COMP: variants seen among roughly 807,000 people sequenced by gnomAD.
The protein encoded by COMP is cartilage oligomeric matrix protein (pseudoachondroplasia, epiphyseal dysplasia 1, multiple).
COMP carries 79 observed loss-of-function variants against 95.8 expected under a neutral mutation model. That is an observed-to-expected ratio of 0.82 (90% CI 0.69 to 0.99). COMP has a LOEUF of 0.99. Ranked by LOEUF, COMP falls within the 50% of genes least tolerant of loss-of-function variation. The pLI is 0.00. For synonymous variants in COMP, 438 were observed against 433.9 expected, an observed-to-expected ratio of 1.01 and a Z score of -0.12; for missense variants, 906 against 1,076.1, an observed-to-expected ratio of 0.84 and a Z score of 2.21.
Position 18,786,159 on chromosome 19 carries a change from G to C in COMP, c.1308-13C>G, listed in dbSNP as rs1427351682. 5.0e-6 allele frequency: 8 copies of C among 1,613,968 alleles called. No homozygotes were observed. Among genetic ancestry groups the C allele is most frequent in the Non-Finnish European group, 5.9e-6 (7 of 1,180,046 alleles). ...TCCGTCTCCATCCCTAGAGTGGATA[G>C]GTGGGATCCAGAGACAATGAGCTCT... On this transcript the variant is annotated splice_polypyrimidine_tract_variant and intron_variant, in intron 12 of 18. Transcript: ENST00000222271.
chr19:18,789,014 G>T lies in COMP; in HGVS notation c.529-101C>A, dbSNP rs2055191212. On this transcript the variant is annotated intron_variant, in intron 5 of 18. Coordinates refer to ENST00000222271, the MANE Select transcript of COMP (RefSeq NM_000095.3). This position sits in a 1 kb window ranked among gnomAD's most constrained non-coding sequence, Gnocchi z 6.1. ...GCATCCTGCCTCTCCCCTCCATCCT[G>T]CCCCAAACCGATCAGCCCTGGCGCA... 1.3e-6 allele frequency: 2 copies of T among 1,545,446 alleles called. No homozygotes were observed. The highest frequency in any genetic ancestry group is 4.6e-5 in the East Asian group (2 of 43,424).
chr19:18,785,915 A>G lies in COMP; in HGVS notation c.1489+50T>C, dbSNP rs775902974. The G allele has an allele frequency of 1.5e-5, 24 of 1,599,312 alleles. No homozygotes were observed. The African/African-American group carries it at 3.0e-4, about 20-fold the overall frequency. On this transcript the variant is annotated intron_variant, in intron 13 of 18. Transcript: ENST00000222271. Reference sequence around the variant, plus strand: ...GCCCGCCCACCGTAGACCCCGCGCCAGGAGCCCCCACTGGCCCCGCCCCCA... The same window carrying G: ...GCCCGCCCACCGTAGACCCCGCGCCGGGAGCCCCCACTGGCCCCGCCCCCA...
intron 9 of COMP, among the ~76,000 whole-genome samples, 195 bp from the exon 10 acceptor site, chr19:18,787,845 CT>C (rs1365200158): frequency 1.4e-5 from 1 of 69,808 alleles, no homozygotes; most frequent in Non-Finnish European, 2.6e-5. Context: ...TCTGTCTTTT[CT>C]TTTTTCTTTT....
chr19:18,785,606 C>T (rs2055159818), intron 14 of COMP, 60 bp from the exon 15 acceptor site: 2 of 1,613,756 alleles, frequency 1.2e-6, no homozygotes, highest in East Asian at 2.2e-5. Flanking sequence ...GGCACCCTGT[C>T]CTCAGCATAG....
intron 3 of COMP, 137 bp downstream of exon 3, chr19:18,790,425 G>T (rs1005290137): frequency 8.9e-6 from 10 of 1,126,312 alleles, no homozygotes; most frequent in Middle Eastern, 1.9e-4. Flanking sequence ...TCCCATTCCC[G>T]TTCGTCCGTC....
chr19:18,788,007 G>C lies in COMP; in HGVS notation c.975+205C>G, dbSNP rs1348013781. Reference sequence around the variant, plus strand: ...CAACCTCCGCCTCCCGGGTTCAAGCGATTCTCCTGCCTCAGCCTCCTGAGT... The same window carrying C: ...CAACCTCCGCCTCCCGGGTTCAAGCCATTCTCCTGCCTCAGCCTCCTGAGT... On this transcript the variant is annotated intron_variant, in intron 9 of 18. Coordinates refer to ENST00000222271, the MANE Select transcript of COMP (RefSeq NM_000095.3). The surrounding 1 kb of genome is among the most constrained non-coding windows in gnomAD (Gnocchi z 4.7). Among the ~76,000 whole-genome samples the C allele has an allele frequency of 1.3e-5, 2 of 151,422 alleles. No homozygotes were observed. Among genetic ancestry groups the C allele is most frequent in the African/African-American group, 2.4e-5 (1 of 41,102 alleles).
At chr19:18,785,605 T>A (rs967666219) in intron 14 of COMP, 59 bp from the exon 15 acceptor site, 3 of 1,613,704 alleles carry the variant, frequency 1.9e-6, no homozygotes, top group Non-Finnish European at 2.5e-6. Context: ...AGGCACCCTG[T>A]CCTCAGCATA....
Position 18,789,047 on chromosome 19 carries a change from C to G in COMP, c.528+113G>C. The G allele has an allele frequency of 6.5e-7, 1 of 1,539,366 alleles. No individual in the cohort carries two copies. The highest frequency in any genetic ancestry group is 8.8e-7 in the Non-Finnish European group (1 of 1,134,180). ...CCGATCAGCCCTGGCGCAGCGGACC[C>G]CTCCTCTCCCCACCCCTCCCGCTGG... On this transcript the variant is annotated intron_variant, in intron 5 of 18. Coordinates refer to ENST00000222271, the MANE Select transcript of COMP (RefSeq NM_000095.3). This position sits in a 1 kb window ranked among gnomAD's most constrained non-coding sequence, Gnocchi z 6.1.
intron 15 of COMP, 41 bp from the exon 16 acceptor site, chr19:18,785,133 C>A: frequency 6.9e-6 from 11 of 1,598,862 alleles, no homozygotes; most frequent in Non-Finnish European, 9.4e-6. Context: ...CGAACGCCAG[C>A]CCCAGCCCCC....
rs2055137164 is a variant in COMP, at chr19:18,783,134, G to A, written c.2147C>T (p.Thr716Ile). The change falls in exon 18 of 19, where the codon ACC becomes ATC. Residue 716 changes from threonine to isoleucine, a missense_variant. Physicochemically the swap from Thr to Ile is moderately conservative, Grantham distance 89. Transcript: ENST00000222271. Reference sequence around the variant, plus strand: ...GACCCCCAGGCGGCCACCCCGCATGGTTGTGTCCAAGACCACGTTGCTGTC... The same window carrying A: ...GACCCCCAGGCGGCCACCCCGCATGATTGTGTCCAAGACCACGTTGCTGTC... Reference protein sequence around the residue: ...VADSNVVLDTTMRGGRLGVFC... With the variant: ...VADSNVVLDTIMRGGRLGVFC... The A allele has an allele frequency of 6.2e-7, 1 of 1,611,010 alleles. No individual in the cohort carries two copies. The highest frequency in any genetic ancestry group is 8.5e-7 in the Non-Finnish European group (1 of 1,180,014).
chr19:18,785,733 T>C lies in COMP; in HGVS notation c.1608A>G (p.Thr536=). 1.2e-6 allele frequency: 2 copies of C among 1,613,564 alleles called. No homozygotes were observed. The highest frequency in any genetic ancestry group is 1.7e-6 in the Non-Finnish European group (2 of 1,180,036). ...CGTCACCCTCCGGGTCCAGCACGAC[T>C]GTCTGGAAGGCCCTGAAGTCGGTGA... ...VTLTDFRAFQ[T]VVLDPEGDAQ... Residue 536 remains threonine (T), a synonymous_variant, in exon 14 of 19, where the codon ACA becomes ACG. Coordinates refer to ENST00000222271, the MANE Select transcript of COMP (RefSeq NM_000095.3).
Position 18,789,047 on chromosome 19 carries a change from C to A in COMP, c.528+113G>T. On this transcript the variant is annotated intron_variant, in intron 5 of 18. Coordinates refer to ENST00000222271, the MANE Select transcript of COMP (RefSeq NM_000095.3). This position sits in a 1 kb window ranked among gnomAD's most constrained non-coding sequence, Gnocchi z 6.1. ...CCGATCAGCCCTGGCGCAGCGGACCCCTCCTCTCCCCACCCCTCCCGCTGG... is the reference window on the plus strand; with the variant it reads ...CCGATCAGCCCTGGCGCAGCGGACCACTCCTCTCCCCACCCCTCCCGCTGG... The A allele has an allele frequency of 1.9e-6, 3 of 1,539,366 alleles. No individual in the cohort carries two copies. The highest frequency in any genetic ancestry group is 2.3e-5 in the South Asian group (2 of 85,538).
intron 9 of COMP, among the ~76,000 whole-genome samples, chr19:18,787,902 C>CTTTT (rs2055181084): frequency 9.5e-6 from 1 of 105,574 alleles, no homozygotes; most frequent in African/African-American, 3.3e-5. Context: ...TTCTTTCTTT[C>CTTTT]TTTCTTTCTT....
At position 18,784,159 on chromosome 19, in the gene COMP, G is replaced by GC; in HGVS notation, c.2087+31dup. 6.2e-7 allele frequency: 1 copy of GC among 1,611,792 alleles called. No individual in the cohort carries two copies. Among genetic ancestry groups the GC allele is most frequent in the Non-Finnish European group, 8.5e-7 (1 of 1,179,444 alleles). ...TCCCACCTGGGCCTGTGTGTCCCCA[G>GC]CCCAGCCCACCACAGAGGGTGGAGT... On this transcript the variant is annotated intron_variant, in intron 17 of 18. Transcript: ENST00000222271. The surrounding 1 kb of genome is among the most constrained non-coding windows in gnomAD (Gnocchi z 4.9).
chr19:18,786,236 T>C lies in COMP; in HGVS notation c.1307+3A>G, dbSNP rs1376496696. ...GGACGCCCACCCCAGGTGGCCTCCT[T>C]ACTGGTCTTGATCGCTGTCACAAGC... On this transcript the variant is annotated splice_donor_region_variant and intron_variant, in intron 12 of 18. Coordinates refer to ENST00000222271, the MANE Select transcript of COMP (RefSeq NM_000095.3). The C allele has an allele frequency of 1.2e-6, 2 of 1,613,964 alleles. No homozygotes were observed.
intron 15 of COMP, among the ~76,000 whole-genome samples, chr19:18,785,297 T>C (rs1325169943): frequency 1.3e-5 from 2 of 150,726 alleles, no homozygotes; most frequent in Admixed American, 6.6e-5. Context: ...GCCCCGCCCT[T>C]CCCGAGCCCG....
At position 18,790,065 on chromosome 19, in the gene COMP, G is replaced by C. The variant is rs781667717; in HGVS notation, c.267C>G (p.Leu89=). ...RTGLPSVRPL[L]HCAPGFCFPG... ...GGAAGCAGAAGCCGGGCGCGCAGTG[G>C]AGCAGGGGCCGCACGCTGGGTAGGC... Residue 89 remains leucine (L), a synonymous_variant, in exon 4 of 19, where the codon CTC becomes CTG. Coordinates refer to ENST00000222271, the MANE Select transcript of COMP (RefSeq NM_000095.3). 1.9e-5 allele frequency: 29 copies of C among 1,552,090 alleles called. No homozygotes were observed. The East Asian group carries it at 6.0e-4, about 32-fold the overall frequency.
At position 18,788,958 on chromosome 19, in the gene COMP, C is replaced by T; in HGVS notation, c.529-45G>A. 1 of 1,599,592 alleles carries T rather than the reference C, an allele frequency of 6.3e-7. No homozygotes were observed. The highest frequency in any genetic ancestry group is 2.2e-5 in the East Asian group (1 of 44,708). On this transcript the variant is annotated intron_variant, in intron 5 of 18. Coordinates refer to ENST00000222271, the MANE Select transcript of COMP (RefSeq NM_000095.3). The surrounding 1 kb of genome is among the most constrained non-coding windows in gnomAD (Gnocchi z 4.7). The stretch of plus-strand genomic sequence containing the variant: ...AGGTCACCACCCCACGCAGACACCT[C>T]CGGACCTCCCACCTCCTCCACACTT...
At chr19:18,783,354 A>C (rs1374298682) in intron 17 of COMP, among the ~76,000 whole-genome samples, 161 bp from the exon 18 acceptor site, 1 of 152,184 alleles carries the variant, frequency 6.6e-6, no homozygotes, top group Non-Finnish European at 1.5e-5. Flanking sequence ...GGTGGACATC[A>C]AGGGCCCTGG....
Sources: allele counts gnomAD v4.1 joint callset (sites outside exome capture counted in the v4.1 genomes callset), GRCh38; gene constraint gnomAD v4.1.1; non-coding constraint Gnocchi (gnomAD v3.1); transcripts MANE v1.5; gene names NCBI Gene and HGNC (gene_info 2026-07-23, HGNC 2026-07-21).